Variants in MYRIP observed in about 807,000 individuals in gnomAD.
MYRIP encodes the protein myosin VIIA and Rab interacting protein.
Under a neutral mutation model 98.0 loss-of-function variants are expected in MYRIP, and 49 were observed. The observed-to-expected ratio is 0.50, with a 90% CI of 0.40 to 0.63. The LOEUF (loss-of-function observed/expected upper bound fraction) is 0.63. MYRIP is among the 30% of genes least tolerant of loss of function. The probability of loss-of-function intolerance (pLI) is 0.00; values close to 1 mark genes in which losing one functional copy is unlikely to be tolerated. For missense variants in MYRIP, 1,004 were observed against 1,058.2 expected (o/e 0.95, Z 0.71); for synonymous variants, 404 against 409.5 (o/e 0.99, Z 0.16).
rs79516943 is a variant in MYRIP at position 39,964,830 on chromosome 3, A to G, written c.110+63904A>G. 9.1e-3 allele frequency among the ~76,000 whole-genome samples: 1,388 copies of G among 152,230 alleles called. 21 individuals are homozygous for G. The highest frequency in any genetic ancestry group is 0.032 in the African/African-American group (1,323 of 41,554). ...TTTGAAGATGCTTAAAACTTTTCTTATAATCTTCATTTAATATGTGTATTC... is the reference window on the plus strand; with the variant it reads ...TTTGAAGATGCTTAAAACTTTTCTTGTAATCTTCATTTAATATGTGTATTC... On this transcript the variant is annotated intron_variant, in intron 2 of 16. Transcript: ENST00000302541.
rs1950576212 is a variant in MYRIP, at chr3:40,169,935, T to C, written c.730-15T>C. On this transcript the variant is annotated splice_polypyrimidine_tract_variant and intron_variant, in intron 7 of 16. Transcript: ENST00000302541. The stretch of plus-strand genomic sequence containing the variant: ...TCTCCAATAACTTGCCCCTTTTTTG[T>C]CCTCCCCTCCCCAGATTATACGAAA... 1 of 1,613,916 alleles carries C rather than the reference T, an allele frequency of 6.2e-7. No individual in the cohort carries two copies. Among genetic ancestry groups the C allele is most frequent in the Non-Finnish European group, 8.5e-7 (1 of 1,179,982 alleles).
At position 40,258,272 on chromosome 3, in the gene MYRIP, G is replaced by A; in HGVS notation, c.*106G>A. On this transcript the variant is annotated 3_prime_UTR_variant, in exon 17 of 17. Transcript: ENST00000302541. ...GTATGTATTTCCACCTGAGGAGAAGGCCTGGGGAGGCCACAGTGCACCATT... is the reference window on the plus strand; with the variant it reads ...GTATGTATTTCCACCTGAGGAGAAGACCTGGGGAGGCCACAGTGCACCATT... 1 of 1,335,966 alleles carries A rather than the reference G, an allele frequency of 7.5e-7. No individual in the cohort carries two copies. The highest frequency in any genetic ancestry group is 1.4e-5 in the African/African-American group (1 of 69,480). The allele number at this position is 1,335,966 out of a possible 1,614,324, so 82.8% of individuals were successfully genotyped here. A position where few individuals can be genotyped will look rare whatever the true frequency, so the allele number is the denominator to read the frequency against.
In MYRIP at chr3:40,251,922, T is replaced by C; in HGVS notation, c.2470T>C (p.Phe824Leu). The change falls in exon 16 of 17, where the codon TTT becomes CTT. Residue 824 changes from phenylalanine to leucine, a missense_variant. Phe to Leu is a conservative substitution (Grantham distance 22, BLOSUM62 0). Coordinates refer to ENST00000302541, the MANE Select transcript of MYRIP (RefSeq NM_015460.4). ...ATCTTCAGTGACTACCATTAAAACA[T>C]TTAACCACAACTTCATTCTCCAAGG... is the stretch of plus-strand genomic sequence containing the variant. The part of the protein sequence containing the change: ...ETSSVTTIKT[F>L]NHNFILQGSS... 1 of 1,613,878 alleles carries C rather than the reference T, an allele frequency of 6.2e-7. No homozygotes were observed. Among genetic ancestry groups the C allele is most frequent in the Non-Finnish European group, 8.5e-7 (1 of 1,179,806 alleles).
At chr3:39,891,344 T>G (rs1216472617) in intron 1 of MYRIP, among the ~76,000 whole-genome samples, 2 of 152,156 alleles carry the variant, frequency 1.3e-5, no homozygotes, top group East Asian at 3.8e-4. Context: ...CAGATTTTTT[T>G]TTCTTTTAAC....
intron 1 of MYRIP, among the ~76,000 whole-genome samples, chr3:39,875,321 T>G (rs1464791953): frequency 3.3e-5 from 5 of 152,080 alleles, no homozygotes; most frequent in African/African-American, 7.2e-5. Flanking sequence ...TTTGAAGGGT[T>G]TTTTGTGTCT....
At chr3:39,905,901 G>A (rs886097449) in intron 2 of MYRIP, among the ~76,000 whole-genome samples, 1 of 152,068 alleles carries the variant, frequency 6.6e-6, no homozygotes, top group African/African-American at 2.4e-5. Flanking sequence ...GGTCTTGAGA[G>A]GGAGCAGAGG....
rs569497701 is a variant in MYRIP, at chr3:40,225,869, A to T, written c.1906-7990A>T. On this transcript the variant is annotated intron_variant, in intron 11 of 16. Coordinates refer to ENST00000302541, the MANE Select transcript of MYRIP (RefSeq NM_015460.4). ...AACTTGAACTGCTAAAAGGTCTTTC[A>T]CCTCTCCCTGTAATTTCTCTTTTCA... 2.6e-5 allele frequency among the ~76,000 whole-genome samples: 4 copies of T among 152,044 alleles called. No individual in the cohort carries two copies. The East Asian group carries it at 7.8e-4, about 29-fold the overall frequency.
intron 1 of MYRIP, among the ~76,000 whole-genome samples, chr3:39,876,341 A>T (rs900885516): frequency 5.3e-5 from 8 of 152,188 alleles, no homozygotes; most frequent in Admixed American, 3.9e-4. Context: ...GCCCATTTAC[A>T]TTTAAAGTTA....
At chr3:39,952,593 A>G (rs1945050596) in intron 2 of MYRIP, among the ~76,000 whole-genome samples, 1 of 152,148 alleles carries the variant, frequency 6.6e-6, no homozygotes, top group Non-Finnish European at 1.5e-5. Context: ...CTGATGGTCT[A>G]TAATTTTCTT....
At chr3:40,197,886 C>G (rs1951443401) in intron 10 of MYRIP, among the ~76,000 whole-genome samples, 1 of 152,124 alleles carries the variant, frequency 6.6e-6, no homozygotes, top group Non-Finnish European at 1.5e-5. Context: ...CATTGTTTGC[C>G]AATATCTAAT....
At chr3:40,195,006 T>C (rs1575616616) in intron 10 of MYRIP, among the ~76,000 whole-genome samples, 3 of 152,216 alleles carry the variant, frequency 2.0e-5, no homozygotes, top group African/African-American at 7.2e-5. Context: ...ATGACACTTA[T>C]CTTTTCCTAT....
At chr3:40,211,352 G>A (rs1466106496) in intron 11 of MYRIP, among the ~76,000 whole-genome samples, 1 of 152,198 alleles carries the variant, frequency 6.6e-6, no homozygotes, top group Non-Finnish European at 1.5e-5. Flanking sequence ...CAGCAGCCGA[G>A]CTGGGGTCCT....
chr3:39,874,130 G>C (rs1942899917), intron 1 of MYRIP, among the ~76,000 whole-genome samples: 1 of 151,688 alleles, frequency 6.6e-6, no homozygotes, highest in African/African-American at 2.4e-5. Context: ...TCATGATTTG[G>C]CTCTCTGTTT....
intron 2 of MYRIP, among the ~76,000 whole-genome samples, chr3:39,909,882 CTTTT>C (rs535507330): frequency 1.8e-5 from 2 of 110,664 alleles, no homozygotes; most frequent in African/African-American, 7.4e-5. Flanking sequence ...AAAGCACGTT[CTTTT>C]TTTTTGTTTG....
chr3:40,176,921 A>AAG (rs1553622651), intron 8 of MYRIP, among the ~76,000 whole-genome samples: 34 of 145,314 alleles, frequency 2.3e-4, no homozygotes, highest in African/African-American at 4.4e-4. Flanking sequence ...AAAAAAAAAA[A>AAG]AAAAGAAAAG....
chr3:39,891,381 T>C (rs892570183), intron 1 of MYRIP, among the ~76,000 whole-genome samples: 5 of 152,130 alleles, frequency 3.3e-5, no homozygotes, highest in African/African-American at 9.7e-5. Flanking sequence ...CCCCTCTGTA[T>C]TGGTGAAAGT....
chr3:39,928,816 C>G (rs557281571), intron 2 of MYRIP, among the ~76,000 whole-genome samples: 1 of 151,840 alleles, frequency 6.6e-6, no homozygotes, highest in African/African-American at 2.4e-5. Flanking sequence ...CAGCTTGGTA[C>G]TAGAAGTTCT....
intron 1 of MYRIP, among the ~76,000 whole-genome samples, chr3:39,884,806 A>ATTTT (rs10662369): frequency 2.2e-5 from 3 of 137,340 alleles, no homozygotes; most frequent in African/African-American, 8.2e-5. Context: ...TACAGTCATT[A>ATTTT]TTATTTTTTT....
intron 2 of MYRIP, among the ~76,000 whole-genome samples, chr3:39,922,924 T>G (rs1944336475): frequency 6.6e-6 from 1 of 152,054 alleles, no homozygotes; most frequent in Non-Finnish European, 1.5e-5. Flanking sequence ...CAGCCATGAT[T>G]AAAAAATATA....
Sources: allele counts gnomAD v4.1 joint callset (sites outside exome capture counted in the v4.1 genomes callset), GRCh38; gene constraint gnomAD v4.1.1; transcripts MANE v1.5; gene names NCBI Gene and HGNC (gene_info 2026-07-23, HGNC 2026-07-21).